Variants in OSBPL6 observed in about 807,000 individuals in gnomAD.
The protein encoded by OSBPL6 is oxysterol-binding protein-related protein 6.
In OSBPL6, 49 loss-of-function variants were observed where a neutral mutation model predicts 125.8. The observed-to-expected ratio is 0.39, with a 90% CI of 0.31 to 0.49. OSBPL6 has a LOEUF of 0.49. Among genes scored for constraint, OSBPL6 ranks in the 20% least tolerant of loss-of-function variants. OSBPL6 has a pLI of 0.88. For missense variants in OSBPL6, 986 were observed against 1,135.4 expected (o/e 0.87, Z 1.89); for synonymous variants, 394 against 391.8 (o/e 1.01, Z -0.07).
chr2:178,248,181 T>C (rs1386912172), intron 1 of OSBPL6, among the ~76,000 whole-genome samples: 1 of 152,238 alleles, frequency 6.6e-6, no homozygotes, highest in Admixed American at 6.5e-5. Context: ...AAGAAGACCA[T>C]ATTCTTTTTT....
At chr2:178,347,743 CT>C (rs1690860268) in intron 11 of OSBPL6, among the ~76,000 whole-genome samples, 1 of 152,136 alleles carries the variant, frequency 6.6e-6, no homozygotes, top group African/African-American at 2.4e-5. Context: ...AATTTTCAGC[CT>C]GATAATATTG....
At chr2:178,288,293 C>T (rs1684899125) in intron 2 of OSBPL6, among the ~76,000 whole-genome samples, 2 of 152,156 alleles carry the variant, frequency 1.3e-5, no homozygotes, top group Non-Finnish European at 2.9e-5. Flanking sequence ...GTAGCCACCT[C>T]CTCTCTCCAG....
intron 4 of OSBPL6, among the ~76,000 whole-genome samples, chr2:178,325,088 C>G (rs566719793): frequency 6.6e-6 from 1 of 152,102 alleles, no homozygotes; most frequent in Non-Finnish European, 1.5e-5. Context: ...ATTAAATTCA[C>G]GTATGTCTAA....
intron 2 of OSBPL6, among the ~76,000 whole-genome samples, chr2:178,298,138 T>A (rs1685927669): frequency 6.6e-6 from 1 of 152,248 alleles, no homozygotes; most frequent in South Asian, 2.1e-4. Flanking sequence ...TTTTTGTTCT[T>A]TTGTGCCTAG....
rs1696067511 is a variant in OSBPL6, at chr2:178,400,371, C to T, written c.*4812C>T. ...GCACAATCTCGGCTCACTGCAGCCT[C>T]CGCCTCCCAGGTTCAAGGGATTCTT... On this transcript the variant is annotated 3_prime_UTR_variant, in exon 25 of 25. Coordinates refer to ENST00000190611, the MANE Select transcript of OSBPL6 (RefSeq NM_032523.4). The T allele has an allele frequency of 6.6e-6, 1 of 151,652 alleles. No homozygotes were observed. The highest frequency in any genetic ancestry group is 2.1e-4 in the South Asian group (1 of 4,802). The allele number at this position is 151,652 out of a possible 1,614,324, so 9.4% of individuals were successfully genotyped here. A position where few individuals can be genotyped will look rare whatever the true frequency, so the allele number is the denominator to read the frequency against.
Position 178,395,601 on chromosome 2 carries a change from A to G in OSBPL6, c.*42A>G. On this transcript the variant is annotated 3_prime_UTR_variant, in exon 25 of 25. Coordinates refer to ENST00000190611, the MANE Select transcript of OSBPL6 (RefSeq NM_032523.4). Reference sequence around the variant, plus strand: ...TAGCCAACATATCACATTCTGAATGAATAAATAACTATGCACAATTATGTT... The same window carrying G: ...TAGCCAACATATCACATTCTGAATGGATAAATAACTATGCACAATTATGTT... 7.3e-7 allele frequency: 1 copy of G among 1,376,786 alleles called. No homozygotes were observed. The highest frequency in any genetic ancestry group is 1.0e-6 in the Non-Finnish European group (1 of 971,792). 85.3% of individuals were successfully genotyped at this position (1,376,786 alleles called of 1,614,324 possible).
chr2:178,383,318 C>A, intron 17 of OSBPL6, 41 bp downstream of exon 17: 2 of 1,598,124 alleles, frequency 1.3e-6, no homozygotes, highest in Non-Finnish European at 1.7e-6. Context: ...CAGGGATTTG[C>A]CAACCCTAGA....
chr2:178,301,925 G>A (rs1686330503), intron 2 of OSBPL6, among the ~76,000 whole-genome samples: 1 of 152,170 alleles, frequency 6.6e-6, no homozygotes. Context: ...GAAGCAGAGA[G>A]ACGGGGCCCT....
At chr2:178,255,745 G>C (rs1559167847) in intron 1 of OSBPL6, among the ~76,000 whole-genome samples, 1 of 152,222 alleles carries the variant, frequency 6.6e-6, no homozygotes, top group African/African-American at 2.4e-5. Flanking sequence ...AAACTAGGTT[G>C]GGGGAGGAGA....
chr2:178,388,605 C>T (rs893729807), intron 20 of OSBPL6, among the ~76,000 whole-genome samples: 5 of 152,204 alleles, frequency 3.3e-5, no homozygotes, highest in African/African-American at 9.7e-5. Flanking sequence ...TGTGCTTACA[C>T]GAAACCCAGC....
chr2:178,365,645 C>T (rs765206649), intron 13 of OSBPL6, among the ~76,000 whole-genome samples: 6 of 152,038 alleles, frequency 3.9e-5, no homozygotes, highest in African/African-American at 2.4e-5. Flanking sequence ...CATTGCACTC[C>T]AGCCTGGATG....
At chr2:178,257,127 A>G (rs1432001430) in intron 1 of OSBPL6, among the ~76,000 whole-genome samples, 1 of 152,214 alleles carries the variant, frequency 6.6e-6, no homozygotes, top group African/African-American at 2.4e-5. Context: ...TTTAATGTCT[A>G]TTACCCCCAA....
At chr2:178,304,985 G>A (rs941003659) in intron 2 of OSBPL6, among the ~76,000 whole-genome samples, 14 of 152,102 alleles carry the variant, frequency 9.2e-5, no homozygotes, top group African/African-American at 3.1e-4. Flanking sequence ...CTGATTCAGT[G>A]TCTCACCCTC....
At chr2:178,360,084 CA>C (rs11298350) in intron 12 of OSBPL6, among the ~76,000 whole-genome samples, 140,016 of 149,668 alleles carry the variant, frequency 0.94, 65,505 homozygotes, top group South Asian at 0.99. Flanking sequence ...GACTCTGTCT[CA>C]AAAAAAAAAA....
intron 1 of OSBPL6, among the ~76,000 whole-genome samples, chr2:178,248,334 C>A (rs101266): frequency 0.64 from 97,081 of 152,048 alleles, 33,208 homozygotes; most frequent in African/African-American, 0.9. Flanking sequence ...TTAAAAAATA[C>A]AATTTCAGAT....
At chr2:178,344,637 C>G (rs1690535518) in intron 11 of OSBPL6, among the ~76,000 whole-genome samples, 1 of 151,484 alleles carries the variant, frequency 6.6e-6, no homozygotes, top group African/African-American at 2.4e-5. Context: ...GTACAGTGCC[C>G]CATGATGTGA....
chr2:178,272,115 G>A (rs1433492284), intron 1 of OSBPL6, among the ~76,000 whole-genome samples: 1 of 152,208 alleles, frequency 6.6e-6, no homozygotes, highest in African/African-American at 2.4e-5. Flanking sequence ...CAGCTGTCCA[G>A]TGGTCTGGCA....
rs397754204 is a variant in OSBPL6 at position 178,254,392 on chromosome 2, C to CAA, written c.-350-30522_-350-30521dup. On this transcript the variant is annotated intron_variant, in intron 1 of 24. Transcript: ENST00000190611. Reference sequence around the variant, plus strand: ...TGGGTGACAGTCTGAGATTCTGTCTCAAAAAAAAAAAAAAGAAAGAAAGAA... The same window carrying CAA: ...TGGGTGACAGTCTGAGATTCTGTCTCAAAAAAAAAAAAAAAAGAAAGAAAGAA... 2.7e-3 allele frequency among the ~76,000 whole-genome samples: 325 copies of CAA among 121,696 alleles called. 2 individuals are homozygous for CAA. Among genetic ancestry groups the CAA allele is most frequent in the African/African-American group, 8.8e-3 (304 of 34,518 alleles). The allele number at this position is 121,696 out of a possible 152,430, so 79.8% of individuals were successfully genotyped here.
intron 12 of OSBPL6, among the ~76,000 whole-genome samples, chr2:178,356,157 A>C (rs2154094614): frequency 6.6e-6 from 1 of 152,346 alleles, no homozygotes; most frequent in Middle Eastern, 3.4e-3. Context: ...AACTGGAAGC[A>C]TTCCCTTTGA....
Sources: allele counts gnomAD v4.1 joint callset (sites outside exome capture counted in the v4.1 genomes callset), GRCh38; gene constraint gnomAD v4.1.1; transcripts MANE v1.5; gene names NCBI Gene and HGNC (gene_info 2026-07-23, HGNC 2026-07-21).